Variants in CSPG4 observed in about 807,000 individuals in gnomAD.
CSPG4 encodes the protein chondroitin sulfate proteoglycan 4, also known as chondroitin sulfate proteoglycan 4 (melanoma-associated).
CSPG4 carries 74 observed loss-of-function variants against 139.3 expected under a neutral mutation model. The ratio of observed to expected loss-of-function variants is 0.53; its 90% CI spans 0.44 to 0.64. The LOEUF (loss-of-function observed/expected upper bound fraction) is 0.64. CSPG4 is among the 30% of genes least tolerant of loss of function. The pLI, the probability that CSPG4 is intolerant of heterozygous loss-of-function variation, is 0.00. For synonymous variants in CSPG4, 1,234 were observed against 1,394.2 expected (o/e 0.89, Z 2.56); for missense variants, 2,565 against 3,148.3 (o/e 0.81, Z 4.43).
At chr15:75,702,073 C>A (rs1894310697) in intron 1 of CSPG4, among the ~76,000 whole-genome samples, 1 of 152,230 alleles carries the variant, frequency 6.6e-6, no homozygotes, top group South Asian at 2.1e-4. Flanking sequence ...AATAGCAGCC[C>A]CAGTTAACCC....
Position 75,688,831 on chromosome 15 carries a change from C to T in CSPG4, c.2234G>A (p.Ser745Asn). The part of the protein sequence containing the change: ...DVEQGRVRYL[S>N]TDPQHHAYDT... Reference sequence around the variant, plus strand: ...GTAAGCGTGGTGCTGTGGGTCAGTGCTCAGGTACCTCACGCGGCCCTGCTC... The same window carrying T: ...GTAAGCGTGGTGCTGTGGGTCAGTGTTCAGGTACCTCACGCGGCCCTGCTC... The change falls in exon 3 of 10, where the codon AGC (serine) becomes AAC (asparagine). Residue 745 changes from serine (S) to asparagine (N), a missense_variant. By Grantham distance (46) the Ser-to-Asn change is conservative. Transcript: ENST00000308508. 6.2e-7 allele frequency: 1 copy of T among 1,612,798 alleles called. No homozygotes were observed. The highest frequency in any genetic ancestry group is 8.5e-7 in the Non-Finnish European group (1 of 1,179,994).
intron 8 of CSPG4, 90 bp from the exon 9 acceptor site, chr15:75,677,976 G>A: frequency 7.9e-7 from 1 of 1,261,638 alleles, no homozygotes; most frequent in Non-Finnish European, 1.1e-6. Flanking sequence ...CCCCACTCTG[G>A]GCTCTCCTGG....
intron 1 of CSPG4, among the ~76,000 whole-genome samples, chr15:75,700,356 T>C (rs1311304713): frequency 5.8e-5 from 8 of 138,478 alleles, no homozygotes; most frequent in South Asian, 2.7e-4. Context: ...GGGACTCTTC[T>C]GTCAGGGCCG....
At position 75,677,889 on chromosome 15, in the gene CSPG4, A is replaced by C. The variant is rs544165625; in HGVS notation, c.4951-3T>G. ...TACAGAATATTCCCAGCGTAGACCT[A>C]GGGGAGACACCATCGTGGGGTGAGA... On this transcript the variant is annotated splice_region_variant and splice_polypyrimidine_tract_variant and intron_variant, in intron 8 of 9. Transcript: ENST00000308508. 1 of 1,600,838 alleles carries C rather than the reference A, an allele frequency of 6.2e-7. No individual in the cohort carries two copies. Among genetic ancestry groups the C allele is most frequent in the African/African-American group, 1.3e-5 (1 of 74,460 alleles).
chr15:75,682,897 G>A lies in CSPG4; in HGVS notation c.4594C>T (p.Arg1532Cys), dbSNP rs754406835. 7 of 1,610,716 alleles carry A rather than the reference G, an allele frequency of 4.3e-6. No homozygotes were observed. The highest frequency in any genetic ancestry group is 3.3e-5 in the South Asian group (3 of 90,926). Reference protein sequence around the residue: ...VLRGAPGTEVRSFTQAQLDGG... With the variant: ...VLRGAPGTEVCSFTQAQLDGG... ...TCCAGCTGGGCCTGCGTGAAGCTGC[G>A]CACCTCAGTGCCCGGCGCCCCCCGC... The change falls in exon 6 of 10, where the codon CGC (arginine) becomes TGC (cysteine). Residue 1532 changes from arginine (R) to cysteine (C), a missense_variant. This residue lies in a region of CSPG4 where 2,316 missense variants were observed against 2,818.2 expected (regional missense o/e 0.82). Coordinates refer to ENST00000308508, the MANE Select transcript of CSPG4 (RefSeq NM_001897.5).
Position 75,705,985 on chromosome 15 carries a change from C to CTG in CSPG4, c.88+6681_88+6682dup, listed in dbSNP as rs982546048. 1.1e-3 allele frequency among the ~76,000 whole-genome samples: 163 copies of CTG among 151,982 alleles called. 1 individual carries two copies. Among genetic ancestry groups the CTG allele is most frequent in the African/African-American group, 3.8e-3 (159 of 41,388 alleles). On this transcript the variant is annotated intron_variant, in intron 1 of 9. Transcript: ENST00000308508. ...TGTGTGTATCTATGTCTGTGTGTGC[C>CTG]TGTGTGCGTATGTCTGTGTCTCTGT...
chr15:75,712,947 C>G (rs1894469458), upstream of CSPG4: 3 of 539,058 alleles, frequency 5.6e-6, no homozygotes, highest in African/African-American at 2.0e-5. Context: ...CCCACCTGCC[C>G]CCACCCTCAA....
Position 75,683,011 on chromosome 15 carries a change from C to T in CSPG4, c.4480G>A (p.Ala1494Thr), listed in dbSNP as rs759169396. Residue 1494 changes from alanine (A) to threonine (T), a missense_variant, in exon 6 of 10, where the codon GCG (alanine) becomes ACG (threonine). Around this residue, in one of 5 missense-constraint regions of CSPG4, gnomAD observed 2,316 missense variants for 2,818.2 expected, o/e 0.82. Coordinates refer to ENST00000308508, the MANE Select transcript of CSPG4 (RefSeq NM_001897.5). ...CCGTCCGTGCTCCTCAGAGCCTCCGCAGGGATGGGCGCAGTGGCCCCCTCC... is the reference window on the plus strand; with the variant it reads ...CCGTCCGTGCTCCTCAGAGCCTCCGTAGGGATGGGCGCAGTGGCCCCCTCC... ...MWEGATAPIP[A>T]EALRSTDGDS... The T allele has an allele frequency of 1.1e-5, 18 of 1,610,874 alleles. No individual in the cohort carries two copies. The highest frequency in any genetic ancestry group is 5.0e-5 in the Admixed American group (3 of 59,982).
At chr15:75,709,726 C>T (rs1894420919) in intron 1 of CSPG4, among the ~76,000 whole-genome samples, 3 of 152,172 alleles carry the variant, frequency 2.0e-5, no homozygotes, top group Non-Finnish European at 4.4e-5. Context: ...TACACTTCCT[C>T]TGAGAGCTCC....
At chr15:75,707,395 T>C (rs2092898393) in intron 1 of CSPG4, among the ~76,000 whole-genome samples, 2 of 152,266 alleles carry the variant, frequency 1.3e-5, no homozygotes, top group Non-Finnish European at 2.9e-5. Flanking sequence ...GGGTCCCATC[T>C]TCAAAATATC....
chr15:75,694,691 C>G (rs1191670128), intron 1 of CSPG4, among the ~76,000 whole-genome samples: 1 of 152,240 alleles, frequency 6.6e-6, no homozygotes, highest in Non-Finnish European at 1.5e-5. Context: ...TAAATCCCCT[C>G]TAGTTATCTC....
At chr15:75,694,221 G>A (rs549346334) in intron 1 of CSPG4, among the ~76,000 whole-genome samples, 55 of 152,356 alleles carry the variant, frequency 3.6e-4, no homozygotes, top group African/African-American at 1.3e-3. Flanking sequence ...CCTGGGGTTA[G>A]TGGTTCCTAT....
Position 75,682,652 on chromosome 15 carries a change from C to T in CSPG4, c.4738G>A (p.Val1580Met). The change falls in exon 7 of 10, where the codon GTG becomes ATG. Residue 1580 changes from valine to methionine, a missense_variant. Val to Met is a conservative substitution (Grantham distance 21). Around this residue, in one of 5 missense-constraint regions of CSPG4, gnomAD observed 2,316 missense variants for 2,818.2 expected, o/e 0.82. Transcript: ENST00000308508. ...TGGCTGCCCTTCAGCGAGAGGAGCA[C>T]TTGCTTCTGGGCCGTCACTCGGAAG... is the stretch of plus-strand genomic sequence containing the variant. ...HFFRVTAQKQVLLSLKGSQTL... is the reference protein window; with the variant it reads ...HFFRVTAQKQMLLSLKGSQTL... 1.2e-6 allele frequency: 2 copies of T among 1,613,184 alleles called. No homozygotes were observed. The highest frequency in any genetic ancestry group is 1.7e-6 in the Non-Finnish European group (2 of 1,180,026).
chr15:75,689,046 C>T lies in CSPG4; in HGVS notation c.2019G>A (p.Leu673=). 1.2e-6 allele frequency: 2 copies of T among 1,611,474 alleles called. No individual in the cohort carries two copies. Among genetic ancestry groups the T allele is most frequent in the South Asian group, 2.2e-5 (2 of 91,004 alleles). Residue 673 remains leucine, a synonymous_variant, in exon 3 of 10, where the codon CTG becomes CTA. Transcript: ENST00000308508. ...IQIHRSTGLR[L]AQGSAMPILP... Reference sequence around the variant, plus strand: ...AGATGGGCATGGCAGAGCCTTGGGCCAGTCGCAACCCTGTGCTGCGGTGGA... The same window carrying T: ...AGATGGGCATGGCAGAGCCTTGGGCTAGTCGCAACCCTGTGCTGCGGTGGA...
intron 1 of CSPG4, among the ~76,000 whole-genome samples, chr15:75,693,871 C>T (rs1243908609): frequency 3.9e-5 from 6 of 152,216 alleles, no homozygotes; most frequent in African/African-American, 1.2e-4. Context: ...TGCCATTGAG[C>T]GTCGGGGCAG....
At chr15:75,708,775 C>T (rs1417951316) in intron 1 of CSPG4, among the ~76,000 whole-genome samples, 1 of 152,232 alleles carries the variant, frequency 6.6e-6, no homozygotes, top group African/African-American at 2.4e-5. Flanking sequence ...ACCTGTAATC[C>T]CAGCACTTTG....
At chr15:75,691,667 AAGG>A (rs1257395111) in intron 2 of CSPG4, among the ~76,000 whole-genome samples, 1 of 152,208 alleles carries the variant, frequency 6.6e-6, no homozygotes, top group East Asian at 1.9e-4. Context: ...CCTGGGGTGG[AAGG>A]AGATCTTGGG....
intron 8 of CSPG4, chr15:75,679,370 T>G (rs544453689): frequency 6.5e-6 from 1 of 152,680 alleles, no homozygotes; most frequent in South Asian, 2.1e-4. Flanking sequence ...CAGCTTCCTG[T>G]GTCCCAGCTG....
intron 1 of CSPG4, among the ~76,000 whole-genome samples, chr15:75,702,281 C>T (rs544562681): frequency 4.0e-4 from 61 of 152,354 alleles, no homozygotes; most frequent in Non-Finnish European, 8.2e-4. Flanking sequence ...CTAGCAGGGC[C>T]GACCTGCTGC....
Sources: gnomAD v4.1 joint callset for allele counts (sites outside exome capture counted in the v4.1 genomes callset) on GRCh38, gnomAD v4.1.1 for gene constraint, gnomAD v4.1.1 regional missense constraint, MANE v1.5 for transcripts, NCBI Gene and HGNC (gene_info 2026-07-23, HGNC 2026-07-21) for gene names.